The following COL8A1 variants were observed in gnomAD, a reference collection of about 807,000 sequenced individuals.
COL8A1 encodes collagen alpha-1(VIII) chain.
In COL8A1, 21 loss-of-function variants were observed where a neutral mutation model predicts 42.7. That is an observed-to-expected ratio of 0.49 (90% CI 0.35 to 0.71). The LOEUF is 0.71. COL8A1 is among the 30% of genes least tolerant of loss of function. The probability of loss-of-function intolerance (pLI) is 0.01; values close to 1 mark genes in which losing one functional copy is unlikely to be tolerated. For synonymous variants in COL8A1, 367 were observed against 369.1 expected (o/e 0.99, Z 0.06); for missense variants, 788 against 962.4 (o/e 0.82, Z 2.40).
intron 2 of COL8A1, among the ~76,000 whole-genome samples, chr3:99,758,232 G>A (rs1471728229): frequency 6.6e-6 from 1 of 152,144 alleles, no homozygotes; most frequent in African/African-American, 2.4e-5. Flanking sequence ...GCAAACATTA[G>A]TTAGCACATT....
At chr3:99,766,425 T>C (rs1941464346) in intron 2 of COL8A1, among the ~76,000 whole-genome samples, 1 of 152,142 alleles carries the variant, frequency 6.6e-6, no homozygotes, top group South Asian at 2.1e-4. Context: ...ACTCAATCCA[T>C]GCACTTAAGG....
At chr3:99,649,800 CACACAT>C (rs773987251) in intron 1 of COL8A1, among the ~76,000 whole-genome samples, 52 of 152,210 alleles carry the variant, frequency 3.4e-4, no homozygotes, top group Non-Finnish European at 6.8e-4. Flanking sequence ...CACACACACA[CACACAT>C]ACACATACAC....
Position 99,757,787 on chromosome 3 carries a change from A to G in COL8A1, c.-4+12766A>G, listed in dbSNP as rs114282781. On this transcript the variant is annotated intron_variant, in intron 2 of 3. Transcript: ENST00000652472. ...TTCCCAAACTAAGGCCCTTTTCAGAAAGTATTTAATGAGAAAACAGAAGCC... is the reference window on the plus strand; with the variant it reads ...TTCCCAAACTAAGGCCCTTTTCAGAGAGTATTTAATGAGAAAACAGAAGCC... 8.7e-3 allele frequency among the ~76,000 whole-genome samples: 1,319 copies of G among 152,274 alleles called. 21 individuals are homozygous for G. Among genetic ancestry groups the G allele is most frequent in the African/African-American group, 0.026 (1,087 of 41,552 alleles).
intron 2 of COL8A1, among the ~76,000 whole-genome samples, chr3:99,752,461 G>A (rs1941169639): frequency 6.6e-6 from 1 of 151,842 alleles, no homozygotes; most frequent in Non-Finnish European, 1.5e-5. Flanking sequence ...ACTATTTTAT[G>A]GCGCCATGTG....
At chr3:99,770,086 G>C (rs576186442) in intron 2 of COL8A1, among the ~76,000 whole-genome samples, 4 of 152,176 alleles carry the variant, frequency 2.6e-5, no homozygotes, top group Non-Finnish European at 5.9e-5. Context: ...CAGTTGTGCA[G>C]AAGTATGATT....
At chr3:99,709,562 T>G (rs943448778) in intron 1 of COL8A1, among the ~76,000 whole-genome samples, 1 of 152,190 alleles carries the variant, frequency 6.6e-6, no homozygotes, top group Non-Finnish European at 1.5e-5. Flanking sequence ...AGAAATCCTG[T>G]GTTTCAGGAA....
chr3:99,686,021 G>A (rs1359253058), intron 1 of COL8A1, among the ~76,000 whole-genome samples: 1 of 152,102 alleles, frequency 6.6e-6, no homozygotes, highest in Non-Finnish European at 1.5e-5. Flanking sequence ...CCTAGAGGTA[G>A]CTAGTTTTGA....
intron 1 of COL8A1, among the ~76,000 whole-genome samples, chr3:99,724,326 C>A (rs1007010077): frequency 7.8e-4 from 118 of 152,036 alleles, no homozygotes; most frequent in Non-Finnish European, 3.4e-4. Context: ...CTAAGTCTAG[C>A]CTAAAATGCA....
At chr3:99,699,012 G>A (rs1206769817) in intron 1 of COL8A1, among the ~76,000 whole-genome samples, 2 of 152,174 alleles carry the variant, frequency 1.3e-5, no homozygotes, top group Non-Finnish European at 2.9e-5. Context: ...GAAGGAGGAT[G>A]TGAAAAGCAG....
chr3:99,782,891 C>T (rs1444264514), intron 2 of COL8A1, among the ~76,000 whole-genome samples: 5 of 151,680 alleles, frequency 3.3e-5, no homozygotes, highest in South Asian at 2.1e-4. Flanking sequence ...AGCAATGATG[C>T]TTTCATATTA....
intron 1 of COL8A1, among the ~76,000 whole-genome samples, chr3:99,737,877 T>C (rs1187128367): frequency 6.6e-6 from 1 of 151,644 alleles, no homozygotes; most frequent in African/African-American, 2.4e-5. Context: ...CAGACGTAGA[T>C]TTGGTCTTTT....
At chr3:99,737,871 C>T (rs1176697212) in intron 1 of COL8A1, among the ~76,000 whole-genome samples, 8 of 151,432 alleles carry the variant, frequency 5.3e-5, no homozygotes, top group South Asian at 2.1e-4. Context: ...ACCAATCAGA[C>T]GTAGATTTGG....
chr3:99,727,136 G>C, intron 1 of COL8A1, among the ~76,000 whole-genome samples: 1 of 152,074 alleles, frequency 6.6e-6, no homozygotes. Context: ...CACTTCCCTT[G>C]TCAGTTGAAT....
intron 1 of COL8A1, among the ~76,000 whole-genome samples, chr3:99,731,569 C>G (rs1940510462): frequency 1.3e-5 from 2 of 152,064 alleles, no homozygotes; most frequent in Admixed American, 1.3e-4. Flanking sequence ...GGTACAGAAG[C>G]AGGAGAATGC....
At chr3:99,655,133 G>A (rs919251371) in intron 1 of COL8A1, among the ~76,000 whole-genome samples, 4 of 152,124 alleles carry the variant, frequency 2.6e-5, no homozygotes, top group African/African-American at 7.2e-5. Context: ...CTTCCTTTTA[G>A]TATGGAAGAG....
chr3:99,787,209 T>C (rs921376242), intron 2 of COL8A1, among the ~76,000 whole-genome samples: 4 of 152,226 alleles, frequency 2.6e-5, no homozygotes, highest in Non-Finnish European at 5.9e-5. Context: ...TCTGTTAATA[T>C]ATGTATCACA....
intron 1 of COL8A1, among the ~76,000 whole-genome samples, chr3:99,705,683 A>G (rs1348088838): frequency 6.6e-6 from 1 of 152,200 alleles, no homozygotes; most frequent in Admixed American, 6.5e-5. Flanking sequence ...ACAATGATTC[A>G]TGTTCCTAAA....
At chr3:99,721,400 AGGAAAAG>A (rs1168687431) in intron 1 of COL8A1, among the ~76,000 whole-genome samples, 1 of 137,310 alleles carries the variant, frequency 7.3e-6, no homozygotes, top group African/African-American at 2.7e-5. Context: ...GAAAGGAAAA[AGGAAAAG>A]GGGAAAGGGG....
At chr3:99,735,181 C>A (rs1267048416) in intron 1 of COL8A1, among the ~76,000 whole-genome samples, 1 of 141,584 alleles carries the variant, frequency 7.1e-6, no homozygotes. Context: ...GAACTTCCAA[C>A]ACTATGTTGA....
Sources: gnomAD v4.1 joint callset for allele counts (sites outside exome capture counted in the v4.1 genomes callset) on GRCh38, gnomAD v4.1.1 for gene constraint, MANE v1.5 for transcripts, NCBI Gene and HGNC (gene_info 2026-07-23, HGNC 2026-07-21) for gene names.